Variants in MAGI1 observed in about 807,000 individuals in gnomAD.
MAGI1 encodes membrane-associated guanylate kinase, WW and PDZ domain-containing protein 1.
MAGI1 carries 58 observed loss-of-function variants against 139.9 expected under a neutral mutation model. That is an observed-to-expected ratio of 0.41 (90% CI 0.34 to 0.52). The LOEUF (loss-of-function observed/expected upper bound fraction) is 0.52, where lower values mean the gene tolerates loss of function less well. MAGI1 is among the 20% of genes least tolerant of loss of function. The pLI is 0.12. For synonymous variants in MAGI1, 812 were observed against 737.9 expected, an observed-to-expected ratio of 1.10 and a Z score of -1.63; for missense variants, 1,874 against 1,901.6, an observed-to-expected ratio of 0.99 and a Z score of 0.27.
chr3:65,680,450 T>C (rs143130002), intron 1 of MAGI1, among the ~76,000 whole-genome samples: 231 of 152,296 alleles, frequency 1.5e-3, no homozygotes, highest in Non-Finnish European at 2.2e-3. Flanking sequence ...AGTCTCTTGC[T>C]CTGTTGCCCA....
intron 1 of MAGI1, among the ~76,000 whole-genome samples, chr3:65,808,243 C>T (rs975586673): frequency 6.6e-6 from 1 of 152,112 alleles, no homozygotes; most frequent in Non-Finnish European, 1.5e-5. Context: ...CCTTGGCCTC[C>T]CAAATTGCTG....
At chr3:65,482,679 C>T (rs1016902849) in intron 3 of MAGI1, among the ~76,000 whole-genome samples, 1 of 152,174 alleles carries the variant, frequency 6.6e-6, no homozygotes, top group Non-Finnish European at 1.5e-5. Context: ...CGTACTGAAA[C>T]CTACAACCTT....
Position 65,360,379 on chromosome 3 carries a change from A to G in MAGI1, c.3634+820T>C, listed in dbSNP as rs1940711057. 7.2e-6 allele frequency: 7 copies of G among 972,472 alleles called. No homozygotes were observed. The South Asian group carries it at 3.3e-4, about 46-fold the overall frequency. The allele number at this position is 972,472 out of a possible 1,614,324, so 60.2% of individuals were successfully genotyped here. A position where few individuals can be genotyped will look rare whatever the true frequency, so the allele number is the denominator to read the frequency against. On this transcript the variant is annotated intron_variant, in intron 22 of 22. Transcript: ENST00000402939. ...TTTTTTTTTTTTTTTAATTTTAAAC[A>G]CAAATCTCAAATAAATAGGACATAA...
chr3:65,604,622 T>C (rs912815097), intron 2 of MAGI1, among the ~76,000 whole-genome samples: 1 of 152,078 alleles, frequency 6.6e-6, no homozygotes, highest in Middle Eastern at 3.2e-3. Flanking sequence ...GAACCTTTGA[T>C]TTCCATCATA....
chr3:65,584,372 A>G (rs1413919617), intron 2 of MAGI1, among the ~76,000 whole-genome samples: 1 of 152,194 alleles, frequency 6.6e-6, no homozygotes, highest in African/African-American at 2.4e-5. Flanking sequence ...GAGAAAGAAA[A>G]AAACCAGACT....
chr3:65,721,671 A>G (rs897597996), intron 1 of MAGI1, among the ~76,000 whole-genome samples: 2 of 152,184 alleles, frequency 1.3e-5, no homozygotes, highest in Non-Finnish European at 2.9e-5. Flanking sequence ...TTTACACAGA[A>G]ATGTAAAAGA....
At chr3:65,760,385 G>A (rs1489059331) in intron 1 of MAGI1, among the ~76,000 whole-genome samples, 1 of 139,976 alleles carries the variant, frequency 7.1e-6, no homozygotes, top group South Asian at 2.3e-4. Flanking sequence ...TAACAGAGCG[G>A]TAATTTTTTT....
At position 65,470,263 on chromosome 3, in the gene MAGI1, G is replaced by C; in HGVS notation, c.959+20C>G. The stretch of plus-strand genomic sequence containing the variant: ...AAAGAAAGAGAGAGAGATTTAGGTA[G>C]AAATAATGGTATACTTTACTCTATA... On this transcript the variant is annotated intron_variant, in intron 5 of 22. Transcript: ENST00000402939. The C allele has an allele frequency of 6.6e-7, 1 of 1,525,608 alleles. No homozygotes were observed. The highest frequency in any genetic ancestry group is 1.4e-5 in the African/African-American group (1 of 73,076). 94.5% of individuals were successfully genotyped at this position (1,525,608 alleles called of 1,614,324 possible).
At chr3:65,399,267 T>A (rs1173872039) in intron 13 of MAGI1, among the ~76,000 whole-genome samples, 2 of 152,178 alleles carry the variant, frequency 1.3e-5, no homozygotes, top group African/African-American at 4.8e-5. Context: ...ACATCCAGCT[T>A]CCCTGTGAAT....
At chr3:65,934,857 C>G (rs1227325699) in intron 1 of MAGI1, among the ~76,000 whole-genome samples, 1 of 150,680 alleles carries the variant, frequency 6.6e-6, no homozygotes, top group Non-Finnish European at 1.5e-5. Flanking sequence ...AATAAGTAAT[C>G]TGCACCAATT....
chr3:65,585,652 G>T (rs1279327736), intron 2 of MAGI1, among the ~76,000 whole-genome samples: 1 of 152,100 alleles, frequency 6.6e-6, no homozygotes, highest in African/African-American at 2.4e-5. Context: ...ACTACACAGA[G>T]ATCTCAATTC....
chr3:65,602,271 T>C (rs1489594326), intron 2 of MAGI1, among the ~76,000 whole-genome samples: 2 of 152,174 alleles, frequency 1.3e-5, no homozygotes, highest in African/African-American at 4.8e-5. Context: ...AGCAGCATTA[T>C]TACTCATAAT....
intron 2 of MAGI1, among the ~76,000 whole-genome samples, chr3:65,615,914 T>C (rs2083346584): frequency 6.6e-6 from 1 of 152,210 alleles, no homozygotes; most frequent in East Asian, 1.9e-4. Context: ...AGTAACGCCC[T>C]TGACATGGGC....
At chr3:65,749,119 G>A (rs2035934132) in intron 1 of MAGI1, among the ~76,000 whole-genome samples, 3 of 152,152 alleles carry the variant, frequency 2.0e-5, no homozygotes, top group African/African-American at 7.2e-5. Flanking sequence ...CAGTGGGAGA[G>A]TTGATGGGCT....
intron 1 of MAGI1, among the ~76,000 whole-genome samples, chr3:65,890,270 C>G (rs1360864665): frequency 6.6e-6 from 1 of 152,120 alleles, no homozygotes; most frequent in Non-Finnish European, 1.5e-5. Flanking sequence ...GAGGCTGAGG[C>G]AGGAGAATGG....
chr3:65,444,787 C>A (rs1210677664), intron 7 of MAGI1, among the ~76,000 whole-genome samples: 1 of 152,110 alleles, frequency 6.6e-6, no homozygotes, highest in African/African-American at 2.4e-5. Flanking sequence ...AAAATGGGTC[C>A]AGTCAACTGG....
intron 1 of MAGI1, among the ~76,000 whole-genome samples, chr3:65,934,758 A>G (rs974171856): frequency 2.0e-5 from 3 of 151,968 alleles, no homozygotes; most frequent in Non-Finnish European, 4.4e-5. Context: ...GCTGAGAAGA[A>G]AAAGTTGTTG....
intron 1 of MAGI1, among the ~76,000 whole-genome samples, chr3:65,763,727 A>G (rs909033011): frequency 6.6e-6 from 1 of 151,974 alleles, no homozygotes; most frequent in African/African-American, 2.4e-5. Context: ...AAGCATAGGC[A>G]TATTTCATAT....
At chr3:65,560,485 T>C (rs2080296239) in intron 2 of MAGI1, among the ~76,000 whole-genome samples, 1 of 152,228 alleles carries the variant, frequency 6.6e-6, no homozygotes, top group Admixed American at 6.5e-5. Flanking sequence ...CTCATCATCT[T>C]TTCTATCCTT....
Sources: allele counts gnomAD v4.1 joint callset (sites outside exome capture counted in the v4.1 genomes callset), GRCh38; gene constraint gnomAD v4.1.1; transcripts MANE v1.5; gene names NCBI Gene and HGNC (gene_info 2026-07-23, HGNC 2026-07-21).